INTS15: variants seen among roughly 807,000 people sequenced by gnomAD.
INTS15 encodes uncharacterized protein C7orf26.
chr7:6,597,890 A>G, the INTS15 span, among the ~76,000 whole-genome samples: 1 of 152,198 alleles, frequency 6.6e-6, no homozygotes, highest in Non-Finnish European at 1.5e-5. Flanking sequence ...CCGTGTCTTC[A>G]AAGCACAAAA....
chr7:6,599,784 C>G, the INTS15 span: 1 of 1,581,412 alleles, frequency 6.3e-7, no homozygotes, highest in African/African-American at 1.3e-5. Flanking sequence ...CCGCCCCTGT[C>G]CTCGAGGCCA....
At chr7:6,596,397 G>A in the INTS15 span, among the ~76,000 whole-genome samples, 3 of 21,022 alleles carry the variant, frequency 1.4e-4, no homozygotes, top group Non-Finnish European at 2.2e-4. Context: ...TTTTTTTTTT[G>A]AGACGGAATC....
chr7:6,593,209 C>T, the INTS15 span, among the ~76,000 whole-genome samples: 2 of 152,154 alleles, frequency 1.3e-5, no homozygotes, highest in Non-Finnish European at 2.9e-5. Flanking sequence ...CAGCTACTCA[C>T]CTCTTTCCTT....
chr7:6,591,846 G>T, the INTS15 span: 1 of 1,614,064 alleles, frequency 6.2e-7, no homozygotes, highest in Non-Finnish European at 8.5e-7. Flanking sequence ...CGGTGTTGGA[G>T]TGTGCTGCCT....
the INTS15 span, chr7:6,590,200 C>CT: frequency 1.6e-6 from 2 of 1,273,830 alleles, no homozygotes; most frequent in Non-Finnish European, 2.0e-6. Context: ...GGTCGCGCCT[C>CT]TTTGTTTCCA....
At chr7:6,592,968 A>ATG in the INTS15 span, among the ~76,000 whole-genome samples, 1 of 152,144 alleles carries the variant, frequency 6.6e-6, no homozygotes, top group African/African-American at 2.4e-5. Context: ...CATTTTCATC[A>ATG]TGTGGCAGTT....
At chr7:6,608,137 C>G in the INTS15 span, 3 of 1,569,282 alleles carry the variant, frequency 1.9e-6, no homozygotes, top group South Asian at 3.5e-5. Context: ...CCGGCGTGAC[C>G]TTTCCCTTCA....
At chr7:6,595,232 A>G in the INTS15 span, among the ~76,000 whole-genome samples, 2 of 152,050 alleles carry the variant, frequency 1.3e-5, no homozygotes, top group African/African-American at 4.8e-5. Context: ...GGGTTTCGCC[A>G]TGTTGTCCAG....
chr7:6,594,279 TA>T, the INTS15 span: 1 of 712,394 alleles, frequency 1.4e-6, no homozygotes, highest in Non-Finnish European at 2.4e-6. Context: ...GTGTTGGGAT[TA>T]CAGATATGAG....
chr7:6,590,307 G>C, the INTS15 span: 1 of 1,584,468 alleles, frequency 6.3e-7, no homozygotes. Context: ...GCCACTCGCT[G>C]CTGCGCCGCG....
chr7:6,598,010 A>G, the INTS15 span, among the ~76,000 whole-genome samples: 3 of 152,242 alleles, frequency 2.0e-5, no homozygotes, highest in African/African-American at 2.4e-5. Flanking sequence ...TGAAGCGAAC[A>G]TGCCAACGTG....
At chr7:6,597,742 T>G in the INTS15 span, among the ~76,000 whole-genome samples, 3 of 152,116 alleles carry the variant, frequency 2.0e-5, no homozygotes, top group African/African-American at 7.2e-5. Context: ...GTTTTTCTCT[T>G]AAGCCAGTAT....
chr7:6,608,316 C>T, the INTS15 span: 3 of 1,432,584 alleles, frequency 2.1e-6, no homozygotes, highest in Non-Finnish European at 2.7e-6. Context: ...AGGTGCTTCC[C>T]ACCCGGTCGC....
chr7:6,603,948 G>C, the INTS15 span, among the ~76,000 whole-genome samples: 1 of 152,176 alleles, frequency 6.6e-6, no homozygotes, highest in Admixed American at 6.5e-5. Context: ...GCTGCACTGA[G>C]TTGTGGTCGC....
the INTS15 span, chr7:6,607,877 C>CG: frequency 6.4e-7 from 1 of 1,560,570 alleles, no homozygotes; most frequent in Non-Finnish European, 8.6e-7. The surrounding 1 kb of genome is among the most constrained non-coding windows in gnomAD (Gnocchi z 6.0). Flanking sequence ...GGGCGGGGTG[C>CG]GGGGGGACGG....
chr7:6,602,836 C>A, the INTS15 span: 1 of 442,918 alleles, frequency 2.3e-6, no homozygotes, highest in East Asian at 7.2e-5. Context: ...TGGTCAGCTT[C>A]CCTGCCTTCT....
the INTS15 span, among the ~76,000 whole-genome samples, chr7:6,592,835 C>T: frequency 6.6e-6 from 1 of 152,040 alleles, no homozygotes; most frequent in African/African-American, 2.4e-5. Context: ...GTCACGAACT[C>T]CTGAGGTCAA....
At chr7:6,601,141 A>G in the INTS15 span, among the ~76,000 whole-genome samples, 3 of 151,924 alleles carry the variant, frequency 2.0e-5, no homozygotes. Context: ...TAATTTTTTA[A>G]AAAGATTTTT....
At chr7:6,602,115 T>G in the INTS15 span, 5 of 1,613,362 alleles carry the variant, frequency 3.1e-6, no homozygotes, top group Non-Finnish European at 4.2e-6. Flanking sequence ...CCTGAGAACC[T>G]TGTGCTCCAG....
Sources: gnomAD v4.1 joint callset for allele counts (sites outside exome capture counted in the v4.1 genomes callset) on GRCh38, gnomAD v4.1.1 for gene constraint, Gnocchi (gnomAD v3.1) non-coding constraint, MANE v1.5 for transcripts, NCBI Gene and HGNC (gene_info 2026-07-23, HGNC 2026-07-21) for gene names.